Variants in SNED1 observed in about 807,000 individuals in gnomAD.
SNED1 encodes the protein sushi, nidogen and EGF-like domain-containing protein 1.
A neutral mutation model predicts 166.7 loss-of-function variants in SNED1; 81 were observed. The ratio of observed to expected loss-of-function variants is 0.49; its 90% CI spans 0.41 to 0.58. The LOEUF (loss-of-function observed/expected upper bound fraction) is 0.58, where lower values mean the gene tolerates loss of function less well. Ranked by LOEUF, SNED1 falls within the 20% of genes least tolerant of loss-of-function variation. The probability of loss-of-function intolerance (pLI) is 0.00; values close to 1 mark genes in which losing one functional copy is unlikely to be tolerated. For synonymous variants in SNED1, 762 were observed against 822.0 expected, an observed-to-expected ratio of 0.93 and a Z score of 1.25; for missense variants, 1,604 against 2,000.2, an observed-to-expected ratio of 0.80 and a Z score of 3.78.
Position 241,069,858 on chromosome 2 carries a change from G to T in SNED1, c.3308-62G>T, listed in dbSNP as rs13000549. 358,733 of 1,561,492 alleles carry T rather than the reference G, an allele frequency of 0.23. 43,333 individuals carry two copies. The highest frequency in any genetic ancestry group is 0.29 in the Middle Eastern group (1,455 of 5,068). On this transcript the variant is annotated intron_variant, in intron 23 of 31. Transcript: ENST00000310397. The surrounding 1 kb of genome is among the most constrained non-coding windows in gnomAD (Gnocchi z 4.9). ...GCAGCCCATGTCCGGTTCTCAAACC[G>T]TGTTCTTGCCAGAAGACCCTGTGGG...
intron 17 of SNED1, chr2:241,063,301 C>T: frequency 1.9e-6 from 1 of 514,502 alleles, no homozygotes; most frequent in Non-Finnish European, 3.5e-6. Flanking sequence ...GAGGGCAAGG[C>T]CCAGGGAGCC....
At chr2:241,042,940 G>A (rs554697956) in intron 8 of SNED1, among the ~76,000 whole-genome samples, 91 of 152,002 alleles carry the variant, frequency 6.0e-4, no homozygotes, top group Admixed American at 9.8e-4. Context: ...CAAGCAGCCT[G>A]GGATCCACGT....
chr2:241,019,603 C>T (rs1381253192), intron 1 of SNED1, among the ~76,000 whole-genome samples: 5 of 152,188 alleles, frequency 3.3e-5, no homozygotes, highest in African/African-American at 1.2e-4. Context: ...CTCACACAGG[C>T]GGCACAGGGT....
chr2:241,090,975 G>T (rs2063935398), intron 31 of SNED1, among the ~76,000 whole-genome samples: 1 of 152,126 alleles, frequency 6.6e-6, no homozygotes, highest in Admixed American at 6.6e-5. Context: ...ATCGTGCAGT[G>T]CCTAACTGTA....
chr2:241,040,180 G>A lies in SNED1; in HGVS notation c.1151G>A (p.Cys384Tyr). The A allele has an allele frequency of 3.1e-6, 5 of 1,595,776 alleles. No homozygotes were observed. Among genetic ancestry groups the A allele is most frequent in the Non-Finnish European group, 4.3e-6 (5 of 1,171,084 alleles). ...VCQAGYTGAA[C>Y]EMDVDDCSPD... Reference sequence around the variant, plus strand: ...CAGGCCGGATACACCGGAGCAGCCTGCGAGATGGGTGAGTGGCCTGGCTTC... The same window carrying A: ...CAGGCCGGATACACCGGAGCAGCCTACGAGATGGGTGAGTGGCCTGGCTTC... Residue 384 changes from cysteine (C) to tyrosine (Y), a missense_variant, in exon 7 of 32, where the codon TGC becomes TAC. Physicochemically the swap from Cys to Tyr is radical, Grantham distance 194. Coordinates refer to ENST00000310397, the MANE Select transcript of SNED1 (RefSeq NM_001080437.3).
rs192779294 is a variant in SNED1, at chr2:241,081,423, T to A, written c.3917-254T>A. Reference sequence around the variant, plus strand: ...CCTTCTCCTCCTCCTTGTTTTTGTTTGTCTTCCTTCCTTCCAGTAATGAGG... The same window carrying A: ...CCTTCTCCTCCTCCTTGTTTTTGTTAGTCTTCCTTCCTTCCAGTAATGAGG... On this transcript the variant is annotated intron_variant, in intron 27 of 31. Coordinates refer to ENST00000310397, the MANE Select transcript of SNED1 (RefSeq NM_001080437.3). Among the ~76,000 whole-genome samples, 355 of 152,314 alleles carry A rather than the reference T, an allele frequency of 2.3e-3. 3 individuals carry two copies. The highest frequency in any genetic ancestry group is 8.0e-3 in the African/African-American group (334 of 41,574).
intron 16 of SNED1, among the ~76,000 whole-genome samples, chr2:241,062,322 T>G (rs1284531084): frequency 6.6e-6 from 1 of 152,154 alleles, no homozygotes; most frequent in African/African-American, 2.4e-5. Context: ...TTTTTAAGCA[T>G]GAAATTAAAC....
At chr2:241,047,146 C>CAAAAAA (rs59981303) in intron 8 of SNED1, among the ~76,000 whole-genome samples, 1 of 68,150 alleles carries the variant, frequency 1.5e-5, no homozygotes, top group African/African-American at 4.6e-5. Context: ...GAGACTCTGT[C>CAAAAAA]AAAAAAAAAA....
At chr2:241,037,737 G>A (rs1207700607) in intron 6 of SNED1, among the ~76,000 whole-genome samples, 1 of 152,228 alleles carries the variant, frequency 6.6e-6, no homozygotes, top group Non-Finnish European at 1.5e-5. Context: ...ACCAGCTTGA[G>A]GGGAACGTGA....
Position 241,048,669 on chromosome 2 carries a change from C to A in SNED1, c.1407C>A (p.Pro469=). The A allele has an allele frequency of 6.2e-7, 1 of 1,609,626 alleles. No homozygotes were observed. The highest frequency in any genetic ancestry group is 1.1e-5 in the South Asian group (1 of 89,862). Residue 469 remains proline (P), a synonymous_variant, in exon 10 of 32, where the codon CCC becomes CCA. Coordinates refer to ENST00000310397, the MANE Select transcript of SNED1 (RefSeq NM_001080437.3). ...TCCCTCTCTTCGTGGCAGGAGTCCC[C>A]GATGACTGTGAGTGCCGCAACGGAG... ...FMGLDCRERV[P]DDCECRNGGR...
intron 29 of SNED1, among the ~76,000 whole-genome samples, chr2:241,082,614 G>A (rs2063382704): frequency 6.6e-6 from 1 of 152,172 alleles, no homozygotes; most frequent in African/African-American, 2.4e-5. Flanking sequence ...CTGGTCCCCA[G>A]GCCCCCAGGC....
Position 241,023,888 on chromosome 2 carries a change from C to CTTTTTTTTTTTTTTTTTTTTTT in SNED1, c.214-6377_214-6376insTTTTTTTTTTTTTTTTTTTTTT, listed in dbSNP as rs34234341. 1.8e-4 allele frequency among the ~76,000 whole-genome samples: 17 copies of CTTTTTTTTTTTTTTTTTTTTTT among 92,004 alleles called. 1 individual carries two copies. The highest frequency in any genetic ancestry group is 1.1e-3 in the East Asian group (3 of 2,788). 60.4% of individuals were successfully genotyped at this position (92,004 alleles called of 152,430 possible). ...TTCTCTCTTTTTTTCTTTTTTTTTC[C>CTTTTTTTTTTTTTTTTTTTTTT]TTTTTTTTTTTTTTTTTTTGAGACA... On this transcript the variant is annotated intron_variant, in intron 1 of 31. Coordinates refer to ENST00000310397, the MANE Select transcript of SNED1 (RefSeq NM_001080437.3).
At chr2:241,043,998 A>G (rs560203295) in intron 8 of SNED1, among the ~76,000 whole-genome samples, 34 of 152,376 alleles carry the variant, frequency 2.2e-4, no homozygotes, top group African/African-American at 7.7e-4. Flanking sequence ...TACTGTTTGA[A>G]GGTAGGCTGT....
At chr2:241,060,519 A>T (rs753228930) in intron 16 of SNED1, among the ~76,000 whole-genome samples, 2 of 152,230 alleles carry the variant, frequency 1.3e-5, no homozygotes, top group Non-Finnish European at 1.5e-5. Context: ...ATACAAAAGC[A>T]TATGAGAAAA....
intron 1 of SNED1, among the ~76,000 whole-genome samples, chr2:241,023,855 A>C (rs886410502): frequency 2.1e-5 from 3 of 144,482 alleles, no homozygotes; most frequent in African/African-American, 7.8e-5. Context: ...TGGAACATTT[A>C]ATTTATTTTC....
intron 12 of SNED1, 59 bp downstream of exon 12, chr2:241,049,992 G>C (rs758061681): frequency 3.2e-6 from 4 of 1,246,472 alleles, no homozygotes; most frequent in Non-Finnish European, 3.5e-6. Context: ...CCCGCGGTCC[G>C]CCGTCCTGCT....
chr2:241,028,028 G>A (rs57575374), intron 1 of SNED1, among the ~76,000 whole-genome samples: 23,681 of 152,020 alleles, frequency 0.16, 1,881 homozygotes, highest in East Asian at 0.18. Context: ...CCACCGCGCC[G>A]GGCCAGGTTT....
At chr2:241,071,983 G>A in intron 26 of SNED1, 105 bp downstream of exon 26, 3 of 1,005,934 alleles carry the variant, frequency 3.0e-6, no homozygotes. Flanking sequence ...CCCACCGCCA[G>A]CGCAGTCTCC....
chr2:241,042,839 A>G (rs1418654943), intron 8 of SNED1, among the ~76,000 whole-genome samples: 1 of 152,252 alleles, frequency 6.6e-6, no homozygotes, highest in African/African-American at 2.4e-5. Context: ...GACTAAAAGA[A>G]AAAGAAGAGA....
Sources: gnomAD v4.1 joint callset for allele counts (sites outside exome capture counted in the v4.1 genomes callset) on GRCh38, gnomAD v4.1.1 for gene constraint, Gnocchi (gnomAD v3.1) non-coding constraint, MANE v1.5 for transcripts, NCBI Gene and HGNC (gene_info 2026-07-23, HGNC 2026-07-21) for gene names.